Variants in CDH4 observed in about 807,000 individuals in gnomAD.
CDH4 encodes the protein cadherin 4.
A neutral mutation model predicts 86.0 loss-of-function variants in CDH4; 33 were observed. The ratio of observed to expected loss-of-function variants is 0.38; its 90% CI spans 0.29 to 0.51. CDH4 has a LOEUF of 0.51. CDH4 is among the 20% of genes least tolerant of loss of function. The probability of loss-of-function intolerance (pLI) is 0.86; values close to 1 mark genes in which losing one functional copy is unlikely to be tolerated. For synonymous variants in CDH4, 555 were observed against 549.4 expected (o/e 1.01, Z -0.14); for missense variants, 1,114 against 1,307.4 (o/e 0.85, Z 2.28).
At chr20:61,755,346 CACAT>C (rs1221105137) in intron 3 of CDH4, among the ~76,000 whole-genome samples, 1 of 148,698 alleles carries the variant, frequency 6.7e-6, no homozygotes, top group Non-Finnish European at 1.5e-5. Flanking sequence ...TAACACCACA[CACAT>C]AGTGCATGCC....
chr20:61,398,147 T>A (rs1345721272), intron 2 of CDH4, among the ~76,000 whole-genome samples: 2 of 152,242 alleles, frequency 1.3e-5, no homozygotes, highest in Non-Finnish European at 2.9e-5. Flanking sequence ...CATTCAAGCG[T>A]ATCAGTCTTG....
chr20:61,355,805 C>A (rs949698395), intron 2 of CDH4, among the ~76,000 whole-genome samples: 2 of 152,198 alleles, frequency 1.3e-5, no homozygotes, highest in Admixed American at 6.5e-5. Context: ...ACCACACATG[C>A]GCACTACAGT....
intron 2 of CDH4, among the ~76,000 whole-genome samples, chr20:61,297,523 T>A (rs552704452): frequency 6.6e-6 from 1 of 152,398 alleles, no homozygotes; most frequent in African/African-American, 2.4e-5. Flanking sequence ...ATCCCCATGG[T>A]CCATCTGTGT....
intron 3 of CDH4, among the ~76,000 whole-genome samples, chr20:61,763,413 G>C (rs1419566296): frequency 6.6e-6 from 1 of 152,194 alleles, no homozygotes; most frequent in Non-Finnish European, 1.5e-5. Flanking sequence ...CAAGAGGACT[G>C]CTCTGGCATC....
chr20:61,764,150 A>G (rs1231780043), intron 3 of CDH4, among the ~76,000 whole-genome samples: 1 of 152,170 alleles, frequency 6.6e-6, no homozygotes, highest in Non-Finnish European at 1.5e-5. Flanking sequence ...AGCTTAAGAA[A>G]ATAAAATATT....
In CDH4 at chr20:61,682,875, C is replaced by G. The variant is rs553435804; in HGVS notation, c.170-60688C>G. Among the ~76,000 whole-genome samples, 4 of 151,836 alleles carry G rather than the reference C, an allele frequency of 2.6e-5. No homozygotes were observed. The South Asian group carries it at 8.4e-4, about 32-fold the overall frequency. Reference sequence around the variant, plus strand: ...TATTGTGGGGCAATCTACCCGTAAGCAAATCCCCTGAAGGTAGAGATCAGC... The same window carrying G: ...TATTGTGGGGCAATCTACCCGTAAGGAAATCCCCTGAAGGTAGAGATCAGC... On this transcript the variant is annotated intron_variant, in intron 2 of 15. Coordinates refer to ENST00000614565, the MANE Select transcript of CDH4 (RefSeq NM_001794.5).
intron 2 of CDH4, among the ~76,000 whole-genome samples, chr20:61,504,292 T>G (rs1483741650): frequency 6.6e-6 from 1 of 152,190 alleles, no homozygotes; most frequent in Non-Finnish European, 1.5e-5. Flanking sequence ...TAGCCTGAAA[T>G]TCAGGAGGTT....
In CDH4 at chr20:61,765,061, C is replaced by T. The variant is rs1238536179; in HGVS notation, c.397-7942C>T. Among the ~76,000 whole-genome samples, 4 of 152,284 alleles carry T rather than the reference C, an allele frequency of 2.6e-5. No individual in the cohort carries two copies. The East Asian group carries it at 7.7e-4, about 29-fold the overall frequency. On this transcript the variant is annotated intron_variant, in intron 3 of 15. Transcript: ENST00000614565. ...GCAGGCAGGTTTAGAGTCACCTGCA[C>T]CTTGTAGACACATCCCTGGGAGCCT... is the stretch of plus-strand genomic sequence containing the variant.
At chr20:61,474,348 T>G (rs8125341) in intron 2 of CDH4, among the ~76,000 whole-genome samples, 1 of 141,794 alleles carries the variant, frequency 7.1e-6, no homozygotes. Context: ...TTTTTTTTTG[T>G]ATTTTTAGCA....
intron 4 of CDH4, among the ~76,000 whole-genome samples, chr20:61,840,522 C>G (rs1439339023): frequency 6.6e-6 from 1 of 152,194 alleles, no homozygotes; most frequent in Non-Finnish European, 1.5e-5. Flanking sequence ...ATCGCGGAGT[C>G]CCGTAAGTTA....
chr20:61,866,913 G>T (rs572133332), intron 6 of CDH4, among the ~76,000 whole-genome samples: 4 of 152,374 alleles, frequency 2.6e-5, no homozygotes, highest in Admixed American at 2.0e-4. Context: ...TGTTGCCAGA[G>T]AGTGGGATCC....
intron 2 of CDH4, among the ~76,000 whole-genome samples, chr20:61,365,657 A>C (rs761934463): frequency 1.3e-5 from 2 of 152,092 alleles, no homozygotes; most frequent in Admixed American, 1.3e-4. Context: ...GGCCTGGTGC[A>C]TTGGTGAGAG....
intron 2 of CDH4, among the ~76,000 whole-genome samples, chr20:61,711,420 C>A (rs914707190): frequency 2.0e-5 from 3 of 152,172 alleles, no homozygotes; most frequent in Non-Finnish European, 4.4e-5. Context: ...AAGTAGTTGG[C>A]AGGCCTGGCT....
chr20:61,756,392 G>T (rs1364582867), intron 3 of CDH4, among the ~76,000 whole-genome samples: 1 of 152,164 alleles, frequency 6.6e-6, no homozygotes, highest in African/African-American at 2.4e-5. Context: ...TGTCACTGTA[G>T]AGCACGTGCA....
chr20:61,520,956 G>A (rs1282122734), intron 2 of CDH4, among the ~76,000 whole-genome samples: 20 of 152,192 alleles, frequency 1.3e-4, no homozygotes, highest in Non-Finnish European at 4.4e-5. Context: ...AGCTCCAGGG[G>A]CCTTGAAGGG....
intron 7 of CDH4, among the ~76,000 whole-genome samples, chr20:61,887,947 G>T (rs996525222): frequency 6.6e-6 from 1 of 152,216 alleles, no homozygotes; most frequent in East Asian, 1.9e-4. Context: ...CCTCCTGAGG[G>T]GGACATCACG....
At chr20:61,573,586 C>T (rs2086361380) in intron 2 of CDH4, among the ~76,000 whole-genome samples, 1 of 152,138 alleles carries the variant, frequency 6.6e-6, no homozygotes, top group African/African-American at 2.4e-5. Context: ...CCAGCGTGGG[C>T]ACCCCAGGGC....
At chr20:61,662,225 C>G (rs1907453504) in intron 2 of CDH4, among the ~76,000 whole-genome samples, 1 of 152,194 alleles carries the variant, frequency 6.6e-6, no homozygotes, top group Non-Finnish European at 1.5e-5. Flanking sequence ...AGACAGAGTT[C>G]TTCCAAACTG....
intron 2 of CDH4, among the ~76,000 whole-genome samples, chr20:61,453,041 TAAG>T (rs938194581): frequency 6.6e-6 from 1 of 152,088 alleles, no homozygotes; most frequent in African/African-American, 2.4e-5. Flanking sequence ...AAGCTTCTAT[TAAG>T]AAGCAAATAA....
Sources: allele counts gnomAD v4.1 joint callset (sites outside exome capture counted in the v4.1 genomes callset), GRCh38; gene constraint gnomAD v4.1.1; transcripts MANE v1.5; gene names NCBI Gene and HGNC (gene_info 2026-07-23, HGNC 2026-07-21).